Variants in DNASE1L3 observed in about 807,000 individuals in gnomAD.
DNASE1L3 encodes the protein deoxyribonuclease 1L3.
DNASE1L3 carries 27 observed loss-of-function variants against 30.9 expected under a neutral mutation model. That is an observed-to-expected ratio of 0.87 (90% confidence interval 0.64 to 1.20). The LOEUF is 1.20. DNASE1L3 is among the 50% of genes most tolerant of loss of function. The pLI is 0.00. For missense variants in DNASE1L3, 364 were observed against 378.2 expected, an observed-to-expected ratio of 0.96 and a Z score of 0.31; for synonymous variants, 135 against 138.0, an observed-to-expected ratio of 0.98 and a Z score of 0.15.
chr3:58,208,363 C>A (rs1222334212), intron 1 of DNASE1L3, 57 bp from the exon 2 acceptor site: 35 of 1,534,136 alleles, frequency 2.3e-5, no homozygotes, highest in Non-Finnish European at 3.0e-5. Context: ...TAAATAAAAC[C>A]TTTTATTGGA....
chr3:58,205,674 A>G (rs979988269), intron 2 of DNASE1L3, 114 bp from the exon 3 acceptor site: 36 of 825,228 alleles, frequency 4.4e-5, no homozygotes, highest in African/African-American at 6.7e-5. Context: ...TGGAAGGGCC[A>G]CTGTTCATCA....
chr3:58,210,951 G>A lies in DNASE1L3; in HGVS notation c.-45C>T. Reference sequence around the variant, plus strand: ...CAAGACTCTGTGAGAAGACAGCAGTGCTTGGAGTGCTGGATTCTGGCCACT... The same window carrying A: ...CAAGACTCTGTGAGAAGACAGCAGTACTTGGAGTGCTGGATTCTGGCCACT... On this transcript the variant is annotated 5_prime_UTR_variant, in exon 1 of 8. Transcript: ENST00000394549. The A allele has an allele frequency of 6.2e-7, 1 of 1,606,134 alleles. No homozygotes were observed. The highest frequency in any genetic ancestry group is 1.1e-5 in the South Asian group (1 of 90,728).
chr3:58,193,688 G>A (rs2097395564), intron 6 of DNASE1L3, among the ~76,000 whole-genome samples: 1 of 152,250 alleles, frequency 6.6e-6, no homozygotes, highest in Non-Finnish European at 1.5e-5. Context: ...TGTTCTGGTG[G>A]AGTAGGAGAA....
chr3:58,206,117 G>T (rs1010079447), intron 2 of DNASE1L3, among the ~76,000 whole-genome samples: 3 of 152,164 alleles, frequency 2.0e-5, no homozygotes, highest in Non-Finnish European at 4.4e-5. Context: ...ATTCACTGTT[G>T]TTTATATCCT....
chr3:58,195,967 T>A (rs3856707), intron 6 of DNASE1L3, among the ~76,000 whole-genome samples: 5,285 of 152,080 alleles, frequency 0.035, 130 homozygotes, highest in Non-Finnish European at 0.046. Flanking sequence ...GTTCTACCCC[T>A]GACCTGATCT....
rs1490450598 is a variant in DNASE1L3, at chr3:58,200,268, G to T, written c.546+729C>A. On this transcript the variant is annotated intron_variant, in intron 5 of 7. Transcript: ENST00000394549. This position sits in a 1 kb window ranked among gnomAD's most constrained non-coding sequence, Gnocchi z 4.2. ...AGTAGCTCAACACCCTGATCACAATGATTGGTTCAGGGATGGACACCTGAC... is the reference window on the plus strand; with the variant it reads ...AGTAGCTCAACACCCTGATCACAATTATTGGTTCAGGGATGGACACCTGAC... Among the ~76,000 whole-genome samples, 1 of 152,196 alleles carries T rather than the reference G, an allele frequency of 6.6e-6. No homozygotes were observed. Among genetic ancestry groups the T allele is most frequent in the Non-Finnish European group, 1.5e-5 (1 of 68,034 alleles).
intron 1 of DNASE1L3, among the ~76,000 whole-genome samples, chr3:58,209,416 GA>G (rs1319466833): frequency 6.6e-6 from 1 of 152,232 alleles, no homozygotes; most frequent in African/African-American, 2.4e-5. Context: ...GTGAAGTGGG[GA>G]AAATCATTGC....
At chr3:58,194,569 C>G (rs557165991) in intron 6 of DNASE1L3, among the ~76,000 whole-genome samples, 1 of 151,160 alleles carries the variant, frequency 6.6e-6, no homozygotes, top group East Asian at 1.9e-4. Flanking sequence ...ATCCGCCCAC[C>G]TCAACCTCCC....
intron 4 of DNASE1L3, among the ~76,000 whole-genome samples, chr3:58,203,534 A>T (rs2097402113): frequency 6.6e-6 from 1 of 152,208 alleles, no homozygotes; most frequent in Non-Finnish European, 1.5e-5. Flanking sequence ...ACAGTGGCTT[A>T]CACCTGTAAT....
At chr3:58,210,593 C>T (rs1340505704) in intron 1 of DNASE1L3, among the ~76,000 whole-genome samples, 173 bp downstream of exon 1, 1 of 152,210 alleles carries the variant, frequency 6.6e-6, no homozygotes, top group Non-Finnish European at 1.5e-5. Context: ...GTTATCACCC[C>T]TGTTTTAAGA....
intron 4 of DNASE1L3, among the ~76,000 whole-genome samples, chr3:58,202,673 G>A (rs965063404): frequency 6.6e-6 from 1 of 151,712 alleles, no homozygotes; most frequent in African/African-American, 2.4e-5. Flanking sequence ...GACCATCATG[G>A]AGAAAACCTG....
At chr3:58,207,631 G>C (rs2097404990) in intron 2 of DNASE1L3, 1 of 151,988 alleles carries the variant, frequency 6.6e-6, no homozygotes, top group Non-Finnish European at 1.5e-5. Flanking sequence ...TTCCGTGCTG[G>C]AATATTTAGC....
chr3:58,207,594 C>G (rs2097404965), intron 2 of DNASE1L3, among the ~76,000 whole-genome samples: 1 of 152,018 alleles, frequency 6.6e-6, no homozygotes, highest in South Asian at 2.1e-4. Flanking sequence ...TCTCAACTTG[C>G]TTTTTTTCAA....
At chr3:58,201,564 A>C (rs924829735) in intron 4 of DNASE1L3, among the ~76,000 whole-genome samples, 2 of 152,238 alleles carry the variant, frequency 1.3e-5, no homozygotes, top group Admixed American at 6.5e-5. Flanking sequence ...TTGTACCTTA[A>C]CCAAGATATT....
chr3:58,192,790 C>T lies in DNASE1L3; in HGVS notation c.815G>A (p.Ser272Asn), dbSNP rs764180604. The change falls in exon 8 of 8, where the codon AGC becomes AAC. Residue 272 changes from serine (S) to asparagine (N), a missense_variant. Ser to Asn is a conservative substitution (Grantham distance 46). Coordinates refer to ENST00000394549, the MANE Select transcript of DNASE1L3 (RefSeq NM_004944.4). The surrounding 1 kb of genome is among the most constrained non-coding windows in gnomAD (Gnocchi z 4.8). ...KLTEEEALDV[S>N]DHFPVEFKLQ... ...TTTAAATTCAACTGGAAAGTGGTCGCTGACATCCAGGGCCTATAAGGAGAA... is the reference window on the plus strand; with the variant it reads ...TTTAAATTCAACTGGAAAGTGGTCGTTGACATCCAGGGCCTATAAGGAGAA... The T allele has an allele frequency of 6.2e-7, 1 of 1,613,766 alleles. No individual in the cohort carries two copies. The highest frequency in any genetic ancestry group is 1.1e-5 in the South Asian group (1 of 91,032).
At chr3:58,209,838 T>A (rs1045132217) in intron 1 of DNASE1L3, among the ~76,000 whole-genome samples, 4 of 152,212 alleles carry the variant, frequency 2.6e-5, no homozygotes, top group Non-Finnish European at 5.9e-5. Flanking sequence ...CTGGCCCCCC[T>A]ACCACACCAT....
chr3:58,195,703 T>A (rs1199516790), intron 6 of DNASE1L3, among the ~76,000 whole-genome samples: 1 of 148,760 alleles, frequency 6.7e-6, no homozygotes, highest in Non-Finnish European at 1.5e-5. Context: ...GGAAAATCGC[T>A]TGAACCCGGG....
At chr3:58,194,380 C>T (rs1347292034) in intron 6 of DNASE1L3, among the ~76,000 whole-genome samples, 4 of 132,618 alleles carry the variant, frequency 3.0e-5, no homozygotes, top group Non-Finnish European at 4.6e-5. Flanking sequence ...GAGTGCAGTG[C>T]GCCATCTCAG....
intron 1 of DNASE1L3, among the ~76,000 whole-genome samples, chr3:58,210,249 A>G (rs1310227300): frequency 6.7e-6 from 1 of 149,474 alleles, no homozygotes; most frequent in Non-Finnish European, 1.5e-5. Context: ...AAAGAAAAAG[A>G]AAGAAAGAAA....
Sources: allele counts gnomAD v4.1 joint callset (sites outside exome capture counted in the v4.1 genomes callset), GRCh38; gene constraint gnomAD v4.1.1; non-coding constraint Gnocchi (gnomAD v3.1); transcripts MANE v1.5; gene names NCBI Gene and HGNC (gene_info 2026-07-23, HGNC 2026-07-21).